COL4A4: variants seen among roughly 807,000 people sequenced by gnomAD.
COL4A4 encodes collagen alpha-4(IV) chain.
A neutral mutation model predicts 192.9 loss-of-function variants in COL4A4; 105 were observed. That is an observed-to-expected ratio of 0.54 (90% CI 0.46 to 0.64). The LOEUF is 0.64. Among genes scored for constraint, COL4A4 ranks in the 30% least tolerant of loss-of-function variants. COL4A4 has a pLI of 0.00. For missense variants in COL4A4, 1,967 were observed against 2,169.3 expected, an observed-to-expected ratio of 0.91 and a Z score of 1.85; for synonymous variants, 762 against 769.9, an observed-to-expected ratio of 0.99 and a Z score of 0.17.
At chr2:227,132,152 C>T (rs2062517082) in intron 4 of COL4A4, among the ~76,000 whole-genome samples, 1 of 152,176 alleles carries the variant, frequency 6.6e-6, no homozygotes, top group African/African-American at 2.4e-5. Context: ...TGTGCCCTGA[C>T]CCCGATATGC....
rs572242878 is a variant in COL4A4 at position 227,055,788 on chromosome 2, C to T, written c.2716+157G>A. On this transcript the variant is annotated intron_variant, in intron 30 of 47. Coordinates refer to ENST00000396625, the MANE Select transcript of COL4A4 (RefSeq NM_000092.5). ...AGAAACATTTCGCCACTGGAAATAACGATACAGAGGACAAGAGCAAGGGAG... is the reference window on the plus strand; with the variant it reads ...AGAAACATTTCGCCACTGGAAATAATGATACAGAGGACAAGAGCAAGGGAG... 3.3e-5 allele frequency among the ~76,000 whole-genome samples: 5 copies of T among 152,258 alleles called. No homozygotes were observed. In the East Asian group the frequency reaches 5.8e-4, roughly 18 times the overall value.
At chr2:227,087,108 T>G (rs2059644317) in intron 22 of COL4A4, among the ~76,000 whole-genome samples, 1 of 152,134 alleles carries the variant, frequency 6.6e-6, no homozygotes, top group African/African-American at 2.4e-5. Flanking sequence ...CTCTCTCCAG[T>G]CTCCAGGGGA....
intron 37 of COL4A4, among the ~76,000 whole-genome samples, chr2:227,040,783 C>T (rs1439066172): frequency 2.6e-5 from 4 of 151,944 alleles, no homozygotes; most frequent in Admixed American, 6.6e-5. Flanking sequence ...AGGCTGGTCT[C>T]GAACTACTGA....
At chr2:227,101,593 AGTG>A in intron 16 of COL4A4, 36 bp from the exon 17 acceptor site, 2 of 1,579,494 alleles carry the variant, frequency 1.3e-6, no homozygotes, top group Non-Finnish European at 8.7e-7. Context: ...AAAAAAAAAA[AGTG>A]ACTGGGTGAC....
At chr2:226,982,396 T>C in the COL4A4 span, among the ~76,000 whole-genome samples, 2 of 152,234 alleles carry the variant, frequency 1.3e-5, no homozygotes, top group East Asian at 1.9e-4. Flanking sequence ...TAATTATGCA[T>C]TGATATTGGT....
intron 1 of COL4A4, among the ~76,000 whole-genome samples, chr2:227,157,455 C>T (rs1441409620): frequency 6.6e-6 from 1 of 151,760 alleles, no homozygotes; most frequent in African/African-American, 2.4e-5. Context: ...AGGAAATTAA[C>T]CAAGGAGAAA....
chr2:227,010,944 T>C (rs1963554601), intron 45 of COL4A4, among the ~76,000 whole-genome samples: 2 of 152,238 alleles, frequency 1.3e-5, no homozygotes. Context: ...TCGGTCTTTC[T>C]TACACCTCCC....
At chr2:227,142,747 C>A (rs377202239) in intron 3 of COL4A4, among the ~76,000 whole-genome samples, 33 of 149,812 alleles carry the variant, frequency 2.2e-4, no homozygotes, top group Non-Finnish European at 3.8e-4. Context: ...CACAGTGAGA[C>A]CCTGTCTCAC....
chr2:227,105,295 A>T (rs10205248), intron 12 of COL4A4, among the ~76,000 whole-genome samples: 1 of 149,222 alleles, frequency 6.7e-6, no homozygotes, highest in Non-Finnish European at 1.5e-5. Flanking sequence ...GGCTCAAGTG[A>T]TTCTTGTGCC....
intron 21 of COL4A4, among the ~76,000 whole-genome samples, chr2:227,089,615 A>G (rs543210882): frequency 6.9e-6 from 1 of 145,326 alleles, no homozygotes; most frequent in Admixed American, 6.9e-5. Context: ...ATATACATAC[A>G]TATATATAAA....
chr2:227,062,596 C>G lies in COL4A4; in HGVS notation c.1990G>C (p.Asp664His). The change falls in exon 26 of 48, where the codon GAC becomes CAC. Residue 664 changes from aspartate (D) to histidine (H), a missense_variant and splice_region_variant. Coordinates refer to ENST00000396625, the MANE Select transcript of COL4A4 (RefSeq NM_000092.5). ...GPDGLKGQKG[D>H]TISCNVTYPG... ...TAGGTTACGTTGCAAGAAATTGTGT[C>G]ACCTGCAATGAGAAAAGAAAAGCGG... 1 of 1,611,776 alleles carries G rather than the reference C, an allele frequency of 6.2e-7. No individual in the cohort carries two copies. Among genetic ancestry groups the G allele is most frequent in the Non-Finnish European group, 8.5e-7 (1 of 1,178,000 alleles).
chr2:226,988,556 A>C, the COL4A4 span: 1 of 1,414,936 alleles, frequency 7.1e-7, no homozygotes, highest in South Asian at 1.7e-5. Context: ...CTCTCTGCGG[A>C]CTGGTGTGGA....
At chr2:227,106,188 A>T (rs751716317) in intron 12 of COL4A4, among the ~76,000 whole-genome samples, 1 of 152,088 alleles carries the variant, frequency 6.6e-6, no homozygotes, top group Non-Finnish European at 1.5e-5. Flanking sequence ...TGCCCTAAAG[A>T]TATCTGCTGT....
intron 37 of COL4A4, 87 bp from the exon 38 acceptor site, chr2:227,033,568 G>A: frequency 1.7e-6 from 2 of 1,207,544 alleles, no homozygotes; most frequent in Non-Finnish European, 2.4e-6. Flanking sequence ...GCCCAGCAGA[G>A]GGCGCGTTGC....
At chr2:227,156,276 G>T (rs1046734563) in intron 1 of COL4A4, among the ~76,000 whole-genome samples, 6 of 151,822 alleles carry the variant, frequency 4.0e-5, no homozygotes, top group African/African-American at 1.2e-4. Context: ...GCACGTGCCT[G>T]TATTCTCAGC....
chr2:227,119,008 T>C (rs1347967653), intron 6 of COL4A4, among the ~76,000 whole-genome samples: 1 of 151,970 alleles, frequency 6.6e-6, no homozygotes, highest in Non-Finnish European at 1.5e-5. Context: ...GGACCTTCCT[T>C]AAAATCCTTA....
chr2:227,110,153 G>T (rs2061109781), intron 9 of COL4A4, among the ~76,000 whole-genome samples: 1 of 152,134 alleles, frequency 6.6e-6, no homozygotes, highest in Non-Finnish European at 1.5e-5. Flanking sequence ...TTACAGCCAG[G>T]CTAGCCTGGA....
intron 4 of COL4A4, among the ~76,000 whole-genome samples, chr2:227,125,818 C>T (rs2062052119): frequency 6.6e-6 from 1 of 152,174 alleles, no homozygotes; most frequent in Non-Finnish European, 1.5e-5. Flanking sequence ...TCTGCAGTAA[C>T]ACTCTCACCC....
intron 43 of COL4A4, chr2:227,022,531 C>A (rs1368282145): frequency 1.8e-6 from 1 of 548,818 alleles, no homozygotes; most frequent in Non-Finnish European, 3.7e-6. Context: ...ACTGGAGTAG[C>A]AGCCACAGGT....
Sources: gnomAD v4.1 joint callset for allele counts (sites outside exome capture counted in the v4.1 genomes callset) on GRCh38, gnomAD v4.1.1 for gene constraint, MANE v1.5 for transcripts, NCBI Gene and HGNC (gene_info 2026-07-23, HGNC 2026-07-21) for gene names.